The following DDR2 variants were observed in gnomAD, a reference collection of about 807,000 sequenced individuals.
DDR2 encodes discoidin domain receptor tyrosine kinase 2, also known as discoidin domain-containing receptor 2.
In DDR2, 27 loss-of-function variants were observed where a neutral mutation model predicts 94.9. That is an observed-to-expected ratio of 0.28 (90% CI 0.21 to 0.39). DDR2 has a LOEUF of 0.39. DDR2 is among the 10% of genes least tolerant of loss of function. The pLI is 1.00. For synonymous variants in DDR2, 382 were observed against 377.2 expected (o/e 1.01, Z -0.15); for missense variants, 783 against 1,076.0 (o/e 0.73, Z 3.81).
intron 3 of DDR2, among the ~76,000 whole-genome samples, chr1:162,737,043 A>G (rs1420245679): frequency 6.6e-6 from 1 of 152,054 alleles, no homozygotes; most frequent in Non-Finnish European, 1.5e-5. Flanking sequence ...ATAGTATTCC[A>G]TGCTGTATAT....
chr1:162,691,632 C>G (rs561594862), intron 2 of DDR2, among the ~76,000 whole-genome samples: 5 of 152,124 alleles, frequency 3.3e-5, no homozygotes, highest in African/African-American at 9.7e-5. Flanking sequence ...TGTGGGGAGG[C>G]GGTACCCTGA....
At chr1:162,769,295 T>C (rs1320630368) in intron 11 of DDR2, among the ~76,000 whole-genome samples, 1 of 152,226 alleles carries the variant, frequency 6.6e-6, no homozygotes, top group African/African-American at 2.4e-5. Flanking sequence ...TGACACCCAG[T>C]GTTTCTTCCT....
intron 2 of DDR2, among the ~76,000 whole-genome samples, chr1:162,716,546 A>G (rs1378725345): frequency 2.0e-5 from 3 of 152,134 alleles, no homozygotes; most frequent in Admixed American, 2.0e-4. Context: ...TGAGACATGT[A>G]TTTTATCTTA....
At chr1:162,717,512 T>G (rs1404610159) in intron 2 of DDR2, among the ~76,000 whole-genome samples, 1 of 152,208 alleles carries the variant, frequency 6.6e-6, no homozygotes, top group Non-Finnish European at 1.5e-5. Flanking sequence ...TTTATTCTGA[T>G]TTCCTCAGTT....
intron 2 of DDR2, among the ~76,000 whole-genome samples, chr1:162,697,231 T>G (rs1196839205): frequency 1.4e-5 from 2 of 145,528 alleles, no homozygotes; most frequent in East Asian, 2.0e-4. Context: ...CGAGATGGAG[T>G]TAGAGACACT....
chr1:162,762,156 C>T (rs775180572), intron 9 of DDR2, among the ~76,000 whole-genome samples: 12 of 152,068 alleles, frequency 7.9e-5, no homozygotes, highest in Non-Finnish European at 1.3e-4. Context: ...TTTCTTTATT[C>T]TATTTGCTCT....
At chr1:162,778,792 G>T (rs1466464471) in intron 17 of DDR2, 63 bp downstream of exon 17, 2 of 1,609,392 alleles carry the variant, frequency 1.2e-6, no homozygotes, top group African/African-American at 2.7e-5. Context: ...AGAATGGCAA[G>T]TCCTGCCTTA....
chr1:162,657,449 T>C (rs1658051324), intron 2 of DDR2, among the ~76,000 whole-genome samples: 1 of 152,210 alleles, frequency 6.6e-6, no homozygotes, highest in Non-Finnish European at 1.5e-5. Flanking sequence ...TCTGGAGAAC[T>C]AATGAGGACA....
intron 1 of DDR2, among the ~76,000 whole-genome samples, chr1:162,638,532 A>G (rs925461549): frequency 5.9e-5 from 9 of 152,318 alleles, no homozygotes; most frequent in African/African-American, 2.2e-4. Flanking sequence ...TGCCACTTCC[A>G]TTTCTTGCTG....
intron 2 of DDR2, among the ~76,000 whole-genome samples, chr1:162,699,833 T>G (rs1660350036): frequency 6.6e-6 from 1 of 152,226 alleles, no homozygotes; most frequent in South Asian, 2.1e-4. Flanking sequence ...AGTTCTACAG[T>G]AAAATTCTTA....
chr1:162,761,481 A>G, intron 9 of DDR2, 27 bp downstream of exon 9: 1 of 1,614,102 alleles, frequency 6.2e-7, no homozygotes, highest in African/African-American at 1.3e-5. Context: ...CTCTTTGGGA[A>G]GTGGGAGCAA....
intron 2 of DDR2, among the ~76,000 whole-genome samples, chr1:162,666,080 A>G (rs1000494787): frequency 6.6e-6 from 1 of 152,214 alleles, no homozygotes; most frequent in African/African-American, 2.4e-5. Flanking sequence ...ACTGTGTACC[A>G]AAACGCCAAG....
At chr1:162,755,615 G>A in intron 6 of DDR2, 49 bp from the exon 7 acceptor site, 2 of 1,529,364 alleles carry the variant, frequency 1.3e-6, no homozygotes, top group Non-Finnish European at 1.8e-6. Flanking sequence ...GTTCCCTGAG[G>A]TAATGGGCCT....
intron 3 of DDR2, among the ~76,000 whole-genome samples, chr1:162,721,622 C>T (rs959313208): frequency 6.6e-6 from 1 of 152,200 alleles, no homozygotes; most frequent in African/African-American, 2.4e-5. Flanking sequence ...TTAAGGATGA[C>T]TCTTCAGGAG....
chr1:162,745,112 T>A (rs1662787697), intron 3 of DDR2, among the ~76,000 whole-genome samples: 1 of 152,252 alleles, frequency 6.6e-6, no homozygotes, highest in African/African-American at 2.4e-5. Flanking sequence ...CACCTTTTCG[T>A]GTAACTTGGC....
chr1:162,634,502 G>C (rs1404535794), intron 1 of DDR2, among the ~76,000 whole-genome samples: 1 of 152,232 alleles, frequency 6.6e-6, no homozygotes, highest in East Asian at 1.9e-4. Context: ...GGCAGCCCCT[G>C]TGGTGCTGGG....
At chr1:162,729,714 T>C (rs961988653) in intron 3 of DDR2, among the ~76,000 whole-genome samples, 77 of 151,112 alleles carry the variant, frequency 5.1e-4, no homozygotes, top group African/African-American at 1.5e-3. Flanking sequence ...TCCCAGGCTT[T>C]TCTGTATTTA....
intron 3 of DDR2, 75 bp from the exon 4 acceptor site, chr1:162,753,020 A>T (rs1332509884): frequency 7.9e-7 from 1 of 1,263,294 alleles, no homozygotes; most frequent in Non-Finnish European, 1.2e-6. Context: ...ATATTCAGTG[A>T]TATTCTTCCT....
intron 3 of DDR2, among the ~76,000 whole-genome samples, chr1:162,733,488 G>A (rs1662156456): frequency 6.6e-6 from 1 of 152,102 alleles, no homozygotes; most frequent in African/African-American, 2.4e-5. Context: ...AGGCCCTTGG[G>A]CATACTGAGT....
Sources: allele counts gnomAD v4.1 joint callset (sites outside exome capture counted in the v4.1 genomes callset), GRCh38; gene constraint gnomAD v4.1.1; transcripts MANE v1.5; gene names NCBI Gene and HGNC (gene_info 2026-07-23, HGNC 2026-07-21).